The following CSMD1 variants were observed in gnomAD, a reference collection of about 807,000 sequenced individuals.
The protein encoded by CSMD1 is CUB and Sushi multiple domains 1.
A neutral mutation model predicts 417.5 loss-of-function variants in CSMD1; 213 were observed. The observed-to-expected ratio is 0.51, with a 90% CI of 0.46 to 0.57. The LOEUF (loss-of-function observed/expected upper bound fraction) is 0.57, where lower values mean the gene tolerates loss of function less well. Among genes scored for constraint, CSMD1 ranks in the 20% least tolerant of loss-of-function variants. The probability of loss-of-function intolerance (pLI) is 0.00; values close to 1 mark genes in which losing one functional copy is unlikely to be tolerated. For missense variants in CSMD1, 6,923 were observed against 4,529.7 expected (o/e 1.53, Z -15.17); for synonymous variants, 2,862 against 1,736.8 (o/e 1.65, Z -16.11).
intron 3 of CSMD1, among the ~76,000 whole-genome samples, chr8:4,213,563 T>G (rs150570694): frequency 1.3e-5 from 2 of 152,278 alleles, no homozygotes; most frequent in East Asian, 3.9e-4. Flanking sequence ...ATAAAACACT[T>G]TTGCTCTCCC....
intron 5 of CSMD1, chr8:3,949,894 C>T: frequency 2.2e-6 from 1 of 455,808 alleles, no homozygotes; most frequent in South Asian, 1.5e-5. Flanking sequence ...CAAGATTGTG[C>T]CTCCATGGGA....
In CSMD1 at chr8:4,321,545, A is replaced by G. The variant is rs535337879; in HGVS notation, c.415+98408T>C. Among the ~76,000 whole-genome samples the G allele has an allele frequency of 3.7e-4, 57 of 152,288 alleles. 1 individual carries two copies. Among genetic ancestry groups the G allele is most frequent in the African/African-American group, 1.3e-3 (54 of 41,584 alleles). On this transcript the variant is annotated intron_variant, in intron 3 of 69. Coordinates refer to ENST00000635120, the MANE Select transcript of CSMD1 (RefSeq NM_033225.6). The stretch of plus-strand genomic sequence containing the variant: ...AGGATTAAAGGGATGAGTATCTGGT[A>G]TATCACAGATATAACAGACAATAAA...
At chr8:4,593,262 G>A (rs114380691) in intron 2 of CSMD1, among the ~76,000 whole-genome samples, 1,650 of 152,230 alleles carry the variant, frequency 0.011, 30 homozygotes, top group African/African-American at 0.038. Context: ...GAACATGAGC[G>A]TTAATATGAT....
chr8:3,325,595 G>A (rs1438098505), intron 23 of CSMD1, among the ~76,000 whole-genome samples: 6 of 152,268 alleles, frequency 3.9e-5, no homozygotes, highest in East Asian at 1.9e-4. Context: ...AGGCCGAGGC[G>A]GGCAAATGGC....
In CSMD1 at chr8:4,203,749, CAT is replaced by C. The variant is rs1799805938; in HGVS notation, c.416-171652_416-171651del. Among the ~76,000 whole-genome samples the C allele has an allele frequency of 3.3e-5, 5 of 152,144 alleles. 1 individual carries two copies. The highest frequency in any genetic ancestry group is 1.2e-4 in the African/African-American group (5 of 41,500). On this transcript the variant is annotated intron_variant, in intron 3 of 69. Coordinates refer to ENST00000635120, the MANE Select transcript of CSMD1 (RefSeq NM_033225.6). Reference sequence around the variant, plus strand: ...GCACACATATGTACACGCACATATACATATAGACATTTGCATATATATGTACA... The same window carrying C: ...GCACACATATGTACACGCACATATACATAGACATTTGCATATATATGTACA...
intron 49 of CSMD1, among the ~76,000 whole-genome samples, chr8:3,071,001 A>T (rs533461621): frequency 1.3e-5 from 2 of 152,342 alleles, no homozygotes; most frequent in South Asian, 4.1e-4. Context: ...GGAGATTTTA[A>T]TCATGGCAGA....
At chr8:4,838,708 G>C (rs1347424569) in intron 1 of CSMD1, among the ~76,000 whole-genome samples, 1 of 152,160 alleles carries the variant, frequency 6.6e-6, no homozygotes, top group Non-Finnish European at 1.5e-5. Context: ...GAGGACACTT[G>C]CCCAAGCCTC....
chr8:3,775,288 G>A (rs1163150035), intron 5 of CSMD1, among the ~76,000 whole-genome samples: 1 of 152,184 alleles, frequency 6.6e-6, no homozygotes, highest in East Asian at 1.9e-4. Context: ...TGAAAAATAA[G>A]TGAACAGAAG....
intron 3 of CSMD1, among the ~76,000 whole-genome samples, chr8:4,124,396 G>A (rs143135930): frequency 2.7e-5 from 2 of 73,772 alleles, no homozygotes; most frequent in Non-Finnish European, 5.3e-5. Flanking sequence ...AGGAGACAGG[G>A]GATTTGTATT....
chr8:4,051,879 T>C (rs1304685377), intron 3 of CSMD1, among the ~76,000 whole-genome samples: 170 of 61,938 alleles, frequency 2.7e-3, no homozygotes, highest in African/African-American at 7.1e-3. Context: ...CTTCCTCCTT[T>C]CTTCCTTCCT....
At chr8:3,627,264 T>G (rs1482560715) in intron 7 of CSMD1, among the ~76,000 whole-genome samples, 1 of 152,178 alleles carries the variant, frequency 6.6e-6, no homozygotes, top group Non-Finnish European at 1.5e-5. Flanking sequence ...CAGCTGTTCA[T>G]GCCCATTTTG....
intron 3 of CSMD1, among the ~76,000 whole-genome samples, chr8:4,199,495 T>C (rs529132713): frequency 3.9e-5 from 6 of 152,194 alleles, no homozygotes; most frequent in Admixed American, 3.9e-4. Flanking sequence ...AGGAATATGG[T>C]GTAAAATGTC....
At chr8:3,714,221 T>G (rs1203245224) in intron 6 of CSMD1, among the ~76,000 whole-genome samples, 1 of 150,910 alleles carries the variant, frequency 6.6e-6, no homozygotes, top group Non-Finnish European at 1.5e-5. Flanking sequence ...ATGAATCTAT[T>G]AAGCTCCCAA....
At chr8:4,784,267 T>C (rs1203357942) in intron 1 of CSMD1, among the ~76,000 whole-genome samples, 4 of 152,246 alleles carry the variant, frequency 2.6e-5, no homozygotes, top group African/African-American at 4.8e-5. Context: ...AAACAGGCTT[T>C]ACCTTCCTCT....
chr8:3,683,670 G>T (rs997649369), intron 7 of CSMD1, among the ~76,000 whole-genome samples: 1 of 152,112 alleles, frequency 6.6e-6, no homozygotes, highest in African/African-American at 2.4e-5. Context: ...TATCCTGTGA[G>T]GTTGTCATCT....
chr8:4,007,044 T>C (rs867118607), intron 4 of CSMD1, among the ~76,000 whole-genome samples: 19 of 152,046 alleles, frequency 1.2e-4, no homozygotes, highest in Admixed American at 7.2e-4. Flanking sequence ...TTCACCGTGT[T>C]AGCCAGGATG....
chr8:4,030,361 G>A (rs1052828078), intron 4 of CSMD1, among the ~76,000 whole-genome samples: 2 of 152,150 alleles, frequency 1.3e-5, no homozygotes, highest in African/African-American at 4.8e-5. Flanking sequence ...CTAGGCAAAG[G>A]TTCCCAAACC....
intron 23 of CSMD1, among the ~76,000 whole-genome samples, chr8:3,330,004 T>C (rs1806787984): frequency 6.6e-6 from 1 of 152,178 alleles, no homozygotes; most frequent in Non-Finnish European, 1.5e-5. Flanking sequence ...AAGAAATGTT[T>C]GATGTTTTGT....
At chr8:2,994,003 A>C (rs628108) in intron 54 of CSMD1, among the ~76,000 whole-genome samples, 1,930 of 151,468 alleles carry the variant, frequency 0.013, 39 homozygotes, top group African/African-American at 0.045. Context: ...AAAGAAAAAA[A>C]ATTAGCTGGA....
Sources: gnomAD v4.1 joint callset for allele counts (sites outside exome capture counted in the v4.1 genomes callset) on GRCh38, gnomAD v4.1.1 for gene constraint, MANE v1.5 for transcripts, NCBI Gene and HGNC (gene_info 2026-07-23, HGNC 2026-07-21) for gene names.